Variants in MCTP1 observed in about 807,000 individuals in gnomAD.
MCTP1 encodes multiple C2 and transmembrane domain-containing protein 1.
A neutral mutation model predicts 120.6 loss-of-function variants in MCTP1; 69 were observed. The observed-to-expected ratio is 0.57, with a 90% CI of 0.47 to 0.70. MCTP1 has a LOEUF of 0.70. MCTP1 is among the 30% of genes least tolerant of loss of function. MCTP1 has a pLI of 0.00. For missense variants in MCTP1, 1,203 were observed against 1,248.8 expected, an observed-to-expected ratio of 0.96 and a Z score of 0.55; for synonymous variants, 529 against 493.1, an observed-to-expected ratio of 1.07 and a Z score of -0.96.
intron 1 of MCTP1, among the ~76,000 whole-genome samples, chr5:95,083,955 T>C (rs1582211980): frequency 1.3e-5 from 2 of 152,212 alleles, no homozygotes; most frequent in Admixed American, 6.5e-5. Context: ...CTGAGATGCA[T>C]AGCTCCCTAA....
At chr5:94,889,030 G>A (rs1801945653) in intron 11 of MCTP1, 58 bp from the exon 12 acceptor site, 1 of 1,142,352 alleles carries the variant, frequency 8.8e-7, no homozygotes, top group Non-Finnish European at 1.3e-6. Context: ...CTTAAAGAGT[G>A]TGCTGAGAAA....
chr5:94,998,942 G>A (rs1295354372), intron 2 of MCTP1, among the ~76,000 whole-genome samples: 1 of 152,240 alleles, frequency 6.6e-6, no homozygotes, highest in Non-Finnish European at 1.5e-5. Context: ...GAGGCAGAGC[G>A]TTTGCTTTCC....
intron 19 of MCTP1, among the ~76,000 whole-genome samples, chr5:94,755,993 G>A (rs1769749502): frequency 6.6e-6 from 1 of 152,118 alleles, no homozygotes; most frequent in African/African-American, 2.4e-5. Flanking sequence ...CAGACCTTCT[G>A]TTCCATTTAA....
intron 17 of MCTP1, among the ~76,000 whole-genome samples, chr5:94,833,535 A>G (rs1053088721): frequency 5.9e-5 from 9 of 152,192 alleles, no homozygotes; most frequent in African/African-American, 2.2e-4. Context: ...TTTTATATTT[A>G]ATGGAAAAAA....
chr5:94,995,358 C>A (rs975272175), intron 2 of MCTP1, among the ~76,000 whole-genome samples: 8 of 152,148 alleles, frequency 5.3e-5, no homozygotes, highest in African/African-American at 1.9e-4. Context: ...AGAATCACTT[C>A]TCTATATCTA....
intron 1 of MCTP1, among the ~76,000 whole-genome samples, chr5:95,227,719 T>C (rs952974137): frequency 1.3e-5 from 2 of 152,190 alleles, no homozygotes; most frequent in African/African-American, 4.8e-5. Context: ...GGAAAGATGT[T>C]TTACAATACA....
intron 2 of MCTP1, among the ~76,000 whole-genome samples, chr5:94,974,449 T>C (rs1365966110): frequency 6.6e-6 from 1 of 152,060 alleles, no homozygotes; most frequent in Non-Finnish European, 1.5e-5. Flanking sequence ...CTTGGGACAC[T>C]GAGACAGGAG....
chr5:95,198,855 G>T (rs1562229553), intron 1 of MCTP1, among the ~76,000 whole-genome samples: 1 of 152,156 alleles, frequency 6.6e-6, no homozygotes, highest in Non-Finnish European at 1.5e-5. Context: ...TCTAAGCATT[G>T]GTTGAGGTTT....
chr5:95,050,961 C>A (rs1019636527), intron 1 of MCTP1, among the ~76,000 whole-genome samples: 2 of 152,020 alleles, frequency 1.3e-5, no homozygotes, highest in Non-Finnish European at 2.9e-5. Flanking sequence ...AGTTACACTG[C>A]CACAAGCCAA....
chr5:94,772,064 C>T (rs1403170524), intron 19 of MCTP1, among the ~76,000 whole-genome samples: 1 of 152,098 alleles, frequency 6.6e-6, no homozygotes, highest in African/African-American at 2.4e-5. Flanking sequence ...TTACTGATAC[C>T]GTGCACCCTG....
intron 18 of MCTP1, among the ~76,000 whole-genome samples, chr5:94,798,218 G>A (rs1027620585): frequency 2.0e-5 from 3 of 151,982 alleles, no homozygotes; most frequent in African/African-American, 7.2e-5. Flanking sequence ...GTCATATTTG[G>A]AGAGGACACT....
At chr5:94,776,952 T>G (rs1003354163) in intron 19 of MCTP1, among the ~76,000 whole-genome samples, 1 of 152,198 alleles carries the variant, frequency 6.6e-6, no homozygotes, top group African/African-American at 2.4e-5. Context: ...GTCCACAAGA[T>G]TCTTCCCTCT....
chr5:95,009,278 A>G (rs1463651076), intron 2 of MCTP1, among the ~76,000 whole-genome samples: 1 of 152,188 alleles, frequency 6.6e-6, no homozygotes, highest in Non-Finnish European at 1.5e-5. Flanking sequence ...CAAATGATAG[A>G]AAATGGCTAT....
At chr5:94,739,601 T>A (rs9791080) in intron 19 of MCTP1, among the ~76,000 whole-genome samples, 12,593 of 152,180 alleles carry the variant, frequency 0.083, 588 homozygotes, top group South Asian at 0.12. Flanking sequence ...ACCCTGTAAT[T>A]ATAAGTGTAC....
chr5:95,241,643 C>G (rs1201519856), intron 1 of MCTP1, among the ~76,000 whole-genome samples: 1 of 152,186 alleles, frequency 6.6e-6, no homozygotes, highest in Non-Finnish European at 1.5e-5. Context: ...TCAAAGTTCT[C>G]CCTCAGAACA....
chr5:95,064,055 A>G (rs919454903), intron 1 of MCTP1, among the ~76,000 whole-genome samples: 4 of 152,248 alleles, frequency 2.6e-5, no homozygotes, highest in Admixed American at 1.3e-4. Flanking sequence ...CACTAAATGC[A>G]CGAATAGTTC....
At chr5:95,239,704 T>A (rs914700104) in intron 1 of MCTP1, among the ~76,000 whole-genome samples, 7 of 152,192 alleles carry the variant, frequency 4.6e-5, no homozygotes, top group Non-Finnish European at 1.0e-4. Context: ...TACTACTCTC[T>A]TCTTTGCTTT....
At chr5:94,824,984 A>G (rs889041931) in intron 17 of MCTP1, among the ~76,000 whole-genome samples, 2 of 152,180 alleles carry the variant, frequency 1.3e-5, no homozygotes, top group Admixed American at 6.5e-5. Context: ...TTTTCAAAAA[A>G]CCAGCCCCTG....
At chr5:94,900,765 T>G (rs1286366906) in intron 10 of MCTP1, among the ~76,000 whole-genome samples, 2 of 152,212 alleles carry the variant, frequency 1.3e-5, no homozygotes, top group African/African-American at 4.8e-5. Context: ...TCATTAGTAT[T>G]GTGATATTAA....
Sources: gnomAD v4.1 joint callset for allele counts (sites outside exome capture counted in the v4.1 genomes callset) on GRCh38, gnomAD v4.1.1 for gene constraint, MANE v1.5 for transcripts, NCBI Gene and HGNC (gene_info 2026-07-23, HGNC 2026-07-21) for gene names.